Variants in ZNF180 observed in about 807,000 individuals in gnomAD.
ZNF180 encodes zinc finger protein 180, also known as zinc finger protein 180 (HHZ168).
ZNF180 carries 11 observed loss-of-function variants against 11.8 expected under a neutral mutation model. That is an observed-to-expected ratio of 0.93 (90% CI 0.59 to 1.55). ZNF180 has a LOEUF of 1.55. ZNF180 is among the 40% of genes most tolerant of loss of function. The probability of loss-of-function intolerance (pLI) is 0.00; values close to 1 mark genes in which losing one functional copy is unlikely to be tolerated. For missense variants in ZNF180, 773 were observed against 781.7 expected (o/e 0.99, Z 0.13); for synonymous variants, 287 against 257.7 (o/e 1.11, Z -1.09).
chr19:44,484,168 T>G (rs2123458832), intron 3 of ZNF180, among the ~76,000 whole-genome samples, 193 bp downstream of exon 3: 1 of 152,184 alleles, frequency 6.6e-6, no homozygotes, highest in South Asian at 2.1e-4. Flanking sequence ...CTAACTTTTT[T>G]TGTATTTTTT....
rs1970027229 is a variant in ZNF180 at position 44,479,621 on chromosome 19, A to G, written c.127-212T>C. On this transcript the variant is annotated intron_variant, in intron 3 of 4. Coordinates refer to ENST00000592529, the MANE Select transcript of ZNF180 (RefSeq NM_001278509.3). Reference sequence around the variant, plus strand: ...ATGCTGGACCTGTTTTTACAACTCCAAAGAGGAATACCAGATAAGAACTGA... The same window carrying G: ...ATGCTGGACCTGTTTTTACAACTCCGAAGAGGAATACCAGATAAGAACTGA... 19 of 574,164 alleles carry G rather than the reference A, an allele frequency of 3.3e-5. No individual in the cohort carries two copies. The South Asian group carries it at 4.0e-4, about 12-fold the overall frequency. 35.6% of individuals were successfully genotyped at this position (574,164 alleles called of 1,614,324 possible). A position where few individuals can be genotyped will look rare whatever the true frequency, so the allele number is the denominator to read the frequency against.
chr19:44,496,672 C>CAAAAAA (rs55678572), intron 2 of ZNF180: 72 of 71,590 alleles, frequency 1.0e-3, no homozygotes, highest in East Asian at 2.8e-3. Flanking sequence ...GACTCTGTCT[C>CAAAAAA]AAAAAAAAAA....
rs1450857259 is a variant in ZNF180 at position 44,478,103 on chromosome 19, C to T, written c.297G>A (p.Gln99=). 1.9e-6 allele frequency: 3 copies of T among 1,596,316 alleles called. No individual in the cohort carries two copies. The highest frequency in any genetic ancestry group is 1.7e-4 in the Middle Eastern group (1 of 6,016). The change falls in exon 5 of 5, where the codon CAG becomes CAA. Residue 99 remains glutamine (Q), a synonymous_variant. Coordinates refer to ENST00000592529, the MANE Select transcript of ZNF180 (RefSeq NM_001278509.3). ...AVGKKDSTSK[Q]RIFDEEPANG... ...TAGCTGGTTCTTCATCAAAAATCCT[C>T]TGCTTTGAAGTTGAATCTTTTTTTC...
chr19:44,476,540 T>C lies in ZNF180; in HGVS notation c.1860A>G (p.Arg620=). 1.2e-6 allele frequency: 2 copies of C among 1,613,894 alleles called. No individual in the cohort carries two copies. The highest frequency in any genetic ancestry group is 1.7e-6 in the Non-Finnish European group (2 of 1,179,938). Residue 620 remains arginine, a synonymous_variant, in exon 5 of 5, where the codon CGA becomes CGG. Transcript: ENST00000592529. ...TATGAGTTCTTTGATGCACAATAAG[T>C]CGAGCACTCAAGCTAAATGTTTTTC... The part of the protein sequence containing the change: ...QCGKTFSLSA[R]LIVHQRTHTG...
chr19:44,498,121 C>T (rs1970637108), intron 1 of ZNF180, among the ~76,000 whole-genome samples: 1 of 152,122 alleles, frequency 6.6e-6, no homozygotes, highest in Non-Finnish European at 1.5e-5. Context: ...AGCTCTAAAC[C>T]AGTCCCTCCA....
intron 1 of ZNF180, among the ~76,000 whole-genome samples, chr19:44,498,328 C>T (rs1010510955): frequency 6.6e-6 from 1 of 152,098 alleles, no homozygotes; most frequent in African/African-American, 2.4e-5. Context: ...CCTAGGCACC[C>T]CACCCTCTGC....
At chr19:44,500,215 C>A (rs753493486) in intron 1 of ZNF180, 60 bp downstream of exon 1, 2 of 1,614,162 alleles carry the variant, frequency 1.2e-6, no homozygotes, top group South Asian at 2.2e-5. Flanking sequence ...TCCAGCTTCC[C>A]GCGTAGACCC....
Position 44,478,140 on chromosome 19 carries a change from G to C in ZNF180, c.260C>G (p.Ala87Gly), listed in dbSNP as rs1969983001. The C allele has an allele frequency of 6.4e-7, 1 of 1,565,584 alleles. No homozygotes were observed. The highest frequency in any genetic ancestry group is 8.7e-7 in the Non-Finnish European group (1 of 1,156,000). The part of the protein sequence containing the change: ...NHRDLVSWDL[A>G]TAVGKKDSTS... ...TGAATCTTTTTTTCCAACTGCAGTT[G>C]CCAAGTCTGAAAGAAAGCAATATAA... is the stretch of plus-strand genomic sequence containing the variant. The change falls in exon 5 of 5, where the codon GCA becomes GGA. Residue 87 changes from alanine to glycine, a missense_variant. Coordinates refer to ENST00000592529, the MANE Select transcript of ZNF180 (RefSeq NM_001278509.3).
chr19:44,488,873 G>A (rs1380789094), intron 2 of ZNF180, among the ~76,000 whole-genome samples: 4 of 151,016 alleles, frequency 2.6e-5, no homozygotes, highest in East Asian at 2.0e-4. Context: ...ATCTCTGCCC[G>A]GTCGCCCCAT....
intron 3 of ZNF180, among the ~76,000 whole-genome samples, chr19:44,483,490 C>A (rs1970135828): frequency 6.6e-6 from 1 of 152,208 alleles, no homozygotes; most frequent in Admixed American, 6.5e-5. Context: ...GCCACTATCT[C>A]TGAATGAAAC....
chr19:44,499,447 G>A (rs1970678249), intron 1 of ZNF180, among the ~76,000 whole-genome samples: 1 of 152,194 alleles, frequency 6.6e-6, no homozygotes, highest in Admixed American at 6.5e-5. Flanking sequence ...GGCAGCTGTT[G>A]CAGCTCTGTC....
chr19:44,480,779 C>T (rs1046502641), intron 3 of ZNF180, among the ~76,000 whole-genome samples: 3 of 152,074 alleles, frequency 2.0e-5, no homozygotes, highest in Admixed American at 2.0e-4. Context: ...TATGAGTGGT[C>T]GCATGAGGTC....
intron 3 of ZNF180, among the ~76,000 whole-genome samples, chr19:44,480,890 G>A (rs1346688215): frequency 6.6e-6 from 1 of 152,154 alleles, no homozygotes; most frequent in Non-Finnish European, 1.5e-5. Flanking sequence ...AGCCTGTACT[G>A]TTATGATTAG....
At chr19:44,478,225 T>C in intron 4 of ZNF180, 79 bp from the exon 5 acceptor site, 5 of 1,382,380 alleles carry the variant, frequency 3.6e-6, no homozygotes, top group Non-Finnish European at 4.8e-6. Flanking sequence ...CAAGAAAGTA[T>C]GAAAAATATA....
At chr19:44,480,735 A>C (rs1970056766) in intron 3 of ZNF180, among the ~76,000 whole-genome samples, 1 of 152,224 alleles carries the variant, frequency 6.6e-6, no homozygotes, top group South Asian at 2.1e-4. Context: ...TTTTAAAAAA[A>C]TTTTGTGTAT....
chr19:44,500,394 C>T lies in ZNF180; in HGVS notation c.-163G>A, dbSNP rs1465403191. On this transcript the variant is annotated 5_prime_UTR_variant, in exon 1 of 5. Coordinates refer to ENST00000592529, the MANE Select transcript of ZNF180 (RefSeq NM_001278509.3). ...CCCTGCCCCGATTCTGCAACACGGC[C>T]GACTCGGGTTAAGCTAGTTCGGTCC... 8 of 891,186 alleles carry T rather than the reference C, an allele frequency of 9.0e-6. No individual in the cohort carries two copies. Among genetic ancestry groups the T allele is most frequent in the Non-Finnish European group, 1.2e-5 (7 of 561,460 alleles). 55.2% of individuals were successfully genotyped at this position (891,186 alleles called of 1,614,324 possible).
chr19:44,497,268 C>A lies in ZNF180; in HGVS notation c.51+16G>T. 6.4e-7 allele frequency: 1 copy of A among 1,551,082 alleles called. No individual in the cohort carries two copies. Among genetic ancestry groups the A allele is most frequent in the East Asian group, 2.5e-5 (1 of 40,406 alleles). ...GTCAGGCTGCAGACAGACCCAAGCT[C>A]TGGGTCTCCACTCACCTGTGCACAG... On this transcript the variant is annotated intron_variant, in intron 2 of 4. Transcript: ENST00000592529.
At chr19:44,480,556 G>A (rs1162492368) in intron 3 of ZNF180, among the ~76,000 whole-genome samples, 2 of 152,200 alleles carry the variant, frequency 1.3e-5, no homozygotes, top group African/African-American at 4.8e-5. Flanking sequence ...ATTACAGGCT[G>A]AGTATCCCAT....
chr19:44,485,432 T>G (rs973159177), intron 2 of ZNF180, among the ~76,000 whole-genome samples: 1 of 152,228 alleles, frequency 6.6e-6, no homozygotes, highest in Admixed American at 6.5e-5. Context: ...CATTTTATTC[T>G]GTCTAGCTTT....
Sources: gnomAD v4.1 joint callset for allele counts (sites outside exome capture counted in the v4.1 genomes callset) on GRCh38, gnomAD v4.1.1 for gene constraint, MANE v1.5 for transcripts, NCBI Gene and HGNC (gene_info 2026-07-23, HGNC 2026-07-21) for gene names.